The following ANKFN1 variants were observed in gnomAD, a reference collection of about 807,000 sequenced individuals.
The protein encoded by ANKFN1 is ankyrin repeat and fibronectin type III domain containing 1.
A neutral mutation model predicts 108.7 loss-of-function variants in ANKFN1; 74 were observed. That is an observed-to-expected ratio of 0.68 (90% CI 0.56 to 0.83). The LOEUF is 0.83. Ranked by LOEUF, ANKFN1 falls within the 40% of genes least tolerant of loss-of-function variation. ANKFN1 has a pLI of 0.00. For missense variants in ANKFN1, 1,505 were observed against 1,382.3 expected (o/e 1.09, Z -1.41); for synonymous variants, 547 against 516.2 (o/e 1.06, Z -0.81).
rs1457482933 is a variant in ANKFN1 at position 56,516,898 on chromosome 17, G to A, written c.*5629G>A. 6.6e-6 allele frequency among the ~76,000 whole-genome samples: 1 copy of A among 152,114 alleles called. No homozygotes were observed. The highest frequency in any genetic ancestry group is 2.4e-5 in the African/African-American group (1 of 41,434). On this transcript the variant is annotated 3_prime_UTR_variant, in exon 21 of 21. Transcript: ENST00000682825. ...TGTTGATATCTAAGTCAAGCATGAA[G>A]TCAAAAAATATTTTTTATTCTTCAT...
At chr17:56,320,334 A>G (rs768506168) in intron 3 of ANKFN1, among the ~76,000 whole-genome samples, 2 of 152,222 alleles carry the variant, frequency 1.3e-5, no homozygotes, top group African/African-American at 2.4e-5. Context: ...CAAAATTAAG[A>G]CAGTGTGAAC....
At chr17:56,196,453 G>A (rs1158993679) in intron 1 of ANKFN1, among the ~76,000 whole-genome samples, 1 of 152,116 alleles carries the variant, frequency 6.6e-6, no homozygotes, top group Non-Finnish European at 1.5e-5. Context: ...CTGAGAAAGG[G>A]CCAGGCGTGG....
intron 1 of ANKFN1, among the ~76,000 whole-genome samples, chr17:56,160,441 T>G (rs1038602827): frequency 6.6e-6 from 1 of 152,224 alleles, no homozygotes; most frequent in African/African-American, 2.4e-5. Context: ...TTTTCTTTCT[T>G]TTTCTTTATT....
chr17:56,252,219 T>C (rs986407396), intron 3 of ANKFN1: 22 of 152,194 alleles, frequency 1.4e-4, no homozygotes, highest in Admixed American at 1.2e-3. Flanking sequence ...CTTCATTCTA[T>C]AGCTGAAGAA....
At chr17:56,167,360 C>T (rs1910253537) in intron 1 of ANKFN1, among the ~76,000 whole-genome samples, 1 of 145,188 alleles carries the variant, frequency 6.9e-6, no homozygotes, top group Non-Finnish European at 1.5e-5. Flanking sequence ...AAAACCTTGG[C>T]TCAAATGTTG....
At chr17:56,318,749 A>C (rs2045279455) in intron 3 of ANKFN1, among the ~76,000 whole-genome samples, 1 of 152,180 alleles carries the variant, frequency 6.6e-6, no homozygotes, top group Non-Finnish European at 1.5e-5. Flanking sequence ...TGGTCTGCTG[A>C]GAATCTTATT....
At chr17:56,169,485 G>A (rs939481303) in intron 1 of ANKFN1, among the ~76,000 whole-genome samples, 1 of 152,052 alleles carries the variant, frequency 6.6e-6, no homozygotes, top group African/African-American at 2.4e-5. Flanking sequence ...GTCCAGGCTG[G>A]TTTCCAACTT....
chr17:56,267,881 T>C (rs1344615669), intron 3 of ANKFN1, among the ~76,000 whole-genome samples: 1 of 152,200 alleles, frequency 6.6e-6, no homozygotes, highest in East Asian at 1.9e-4. Context: ...ATTTGGGCTC[T>C]TTTTTGGTTC....
At chr17:56,070,338 G>T (rs954378144) in intron 4 of ANKFN1, among the ~76,000 whole-genome samples, 2 of 152,090 alleles carry the variant, frequency 1.3e-5, no homozygotes, top group African/African-American at 2.4e-5. Flanking sequence ...GAGTTCCTTG[G>T]CATGGAGCTG....
At chr17:56,243,577 A>T (rs890011475) in intron 3 of ANKFN1, among the ~76,000 whole-genome samples, 1 of 152,138 alleles carries the variant, frequency 6.6e-6, no homozygotes, top group African/African-American at 2.4e-5. Flanking sequence ...TACCTACTTA[A>T]TATGAAGCAT....
At chr17:56,369,543 T>C (rs2046754348) in intron 6 of ANKFN1, among the ~76,000 whole-genome samples, 2 of 152,214 alleles carry the variant, frequency 1.3e-5, no homozygotes, top group Non-Finnish European at 2.9e-5. Flanking sequence ...CTACACAGTC[T>C]AATATAATTG....
chr17:56,112,280 C>G (rs905982686), intron 4 of ANKFN1, among the ~76,000 whole-genome samples: 4 of 152,004 alleles, frequency 2.6e-5, no homozygotes, highest in Non-Finnish European at 5.9e-5. Context: ...GGATGGCCTC[C>G]CTCCAGAATG....
At chr17:56,164,025 T>C (rs762047274) in intron 1 of ANKFN1, among the ~76,000 whole-genome samples, 1 of 152,168 alleles carries the variant, frequency 6.6e-6, no homozygotes, top group Non-Finnish European at 1.5e-5. Flanking sequence ...GTGACTTTGG[T>C]GTAAAAAGTA....
chr17:56,170,807 T>TATATATATATATACACACACAC (rs1361307404), intron 1 of ANKFN1, among the ~76,000 whole-genome samples: 1 of 61,456 alleles, frequency 1.6e-5, no homozygotes, highest in African/African-American at 7.0e-5. Context: ...TATATATATA[T>TATATATATATATACACACACAC]ACACACACAC....
chr17:56,203,387 G>A (rs924200448), intron 1 of ANKFN1, among the ~76,000 whole-genome samples: 5 of 152,150 alleles, frequency 3.3e-5, no homozygotes, highest in Non-Finnish European at 7.3e-5. Context: ...ATCGTCAGGT[G>A]ATGCTCCCCT....
intron 14 of ANKFN1, among the ~76,000 whole-genome samples, chr17:56,458,491 A>G (rs2049791426): frequency 6.6e-6 from 1 of 152,150 alleles, no homozygotes; most frequent in African/African-American, 2.4e-5. Context: ...AAAAAAACAA[A>G]TAGAGAACAA....
In ANKFN1 at chr17:56,078,090, G is replaced by A. The variant is rs114962962; in HGVS notation, c.288+31765G>A. Reference sequence around the variant, plus strand: ...CAGTAAATTTGTTTAGATTCAAATTGCATACTCTGTCTAGTAAGACACCTG... The same window carrying A: ...CAGTAAATTTGTTTAGATTCAAATTACATACTCTGTCTAGTAAGACACCTG... On this transcript the variant is annotated intron_variant, in intron 4 of 12. Coordinates refer to the ANKFN1 transcript ENST00000635860. Among the ~76,000 whole-genome samples the A allele has an allele frequency of 7.4e-3, 1,127 of 152,192 alleles. 17 individuals carry two copies. The highest frequency in any genetic ancestry group is 0.025 in the African/African-American group (1,047 of 41,534).
At chr17:56,398,655 A>T (rs1303028454) in intron 8 of ANKFN1, among the ~76,000 whole-genome samples, 3 of 152,166 alleles carry the variant, frequency 2.0e-5, no homozygotes, top group African/African-American at 4.8e-5. Flanking sequence ...TCTGGTGAAG[A>T]GATACCCAGA....
At chr17:56,255,448 C>G (rs945919034) in intron 3 of ANKFN1, among the ~76,000 whole-genome samples, 5 of 152,180 alleles carry the variant, frequency 3.3e-5, no homozygotes, top group Non-Finnish European at 5.9e-5. Flanking sequence ...TCTTTAGACT[C>G]AGGCAGTGTG....
Sources: allele counts gnomAD v4.1 joint callset (sites outside exome capture counted in the v4.1 genomes callset), GRCh38; gene constraint gnomAD v4.1.1; transcripts MANE v1.5; gene names NCBI Gene and HGNC (gene_info 2026-07-23, HGNC 2026-07-21).